The following RASGEF1A variants were observed in gnomAD, a reference collection of about 807,000 sequenced individuals.
The protein encoded by RASGEF1A is RasGEF domain family member 1A, also known as ras-GEF domain-containing family member 1A.
In RASGEF1A, 18 loss-of-function variants were observed where a neutral mutation model predicts 56.4. The ratio of observed to expected loss-of-function variants is 0.32; its 90% CI spans 0.22 to 0.47. The LOEUF is 0.47. Among genes scored for constraint, RASGEF1A ranks in the 20% least tolerant of loss-of-function variants. RASGEF1A has a pLI of 1.00. For synonymous variants in RASGEF1A, 245 were observed against 242.6 expected (o/e 1.01, Z -0.09); for missense variants, 422 against 627.1 (o/e 0.67, Z 3.49).
intron 1 of RASGEF1A, among the ~76,000 whole-genome samples, chr10:43,237,821 T>C (rs1245350875): frequency 3.9e-5 from 6 of 152,250 alleles, no homozygotes; most frequent in East Asian, 3.9e-4. Context: ...CCCCAGCACA[T>C]AGACCACAGA....
chr10:43,254,268 G>A (rs1444573036), intron 1 of RASGEF1A, among the ~76,000 whole-genome samples: 1 of 152,230 alleles, frequency 6.6e-6, no homozygotes, highest in African/African-American at 2.4e-5. Flanking sequence ...GTGGCACCAG[G>A]ACAGCTGTGG....
chr10:43,253,871 G>C (rs1010334169), intron 1 of RASGEF1A, among the ~76,000 whole-genome samples: 4 of 152,214 alleles, frequency 2.6e-5, no homozygotes, highest in Admixed American at 1.3e-4. Flanking sequence ...GGACTTTTTT[G>C]CAGCAGCAAT....
chr10:43,258,697 G>A (rs1836473049), intron 1 of RASGEF1A, among the ~76,000 whole-genome samples: 1 of 152,206 alleles, frequency 6.6e-6, no homozygotes, highest in Admixed American at 6.5e-5. Flanking sequence ...CAGCCCCTAG[G>A]AGCAGGACTG....
rs1434865137 is a variant in RASGEF1A, at chr10:43,198,851, C to A, written c.1032+82G>T. The A allele has an allele frequency of 3.1e-6, 4 of 1,298,522 alleles. No homozygotes were observed. The Admixed American group carries it at 6.7e-5, about 22-fold the overall frequency. The allele number at this position is 1,298,522 out of a possible 1,614,324, so 80.4% of individuals were successfully genotyped here. On this transcript the variant is annotated intron_variant, in intron 9 of 12. Transcript: ENST00000395810. Reference sequence around the variant, plus strand: ...CCAGGGAGAGGAGGGCAGCCCCCCACCCCCACTGTCAGGGCCCCCTTCGGG... The same window carrying A: ...CCAGGGAGAGGAGGGCAGCCCCCCAACCCCACTGTCAGGGCCCCCTTCGGG...
At chr10:43,204,033 G>A (rs1839956672) in intron 2 of RASGEF1A, among the ~76,000 whole-genome samples, 1 of 152,196 alleles carries the variant, frequency 6.6e-6, no homozygotes, top group African/African-American at 2.4e-5. Context: ...TGCCAGAGCA[G>A]GGCCCCTCCA....
chr10:43,243,728 C>A (rs3107332), intron 1 of RASGEF1A, among the ~76,000 whole-genome samples: 1 of 147,742 alleles, frequency 6.8e-6, no homozygotes, highest in Admixed American at 6.7e-5. Context: ...GGGAAGTGGG[C>A]GCCTCTGCCC....
At chr10:43,203,546 C>T in intron 2 of RASGEF1A, 126 bp from the exon 3 acceptor site, 2 of 1,392,576 alleles carry the variant, frequency 1.4e-6, no homozygotes, top group South Asian at 1.5e-5. Flanking sequence ...GCCATGCCTT[C>T]ACCTGCCCGG....
At chr10:43,209,949 G>A (rs527589128) in intron 1 of RASGEF1A, among the ~76,000 whole-genome samples, 27 of 152,322 alleles carry the variant, frequency 1.8e-4, no homozygotes, top group African/African-American at 5.1e-4. Context: ...GCACACTGGC[G>A]TTCTAGACCC....
intron 1 of RASGEF1A, among the ~76,000 whole-genome samples, chr10:43,220,476 C>T (rs915250225): frequency 1.5e-4 from 23 of 152,090 alleles, no homozygotes; most frequent in African/African-American, 5.6e-4. Context: ...GTGACAGAGC[C>T]TGGGCAACAG....
chr10:43,199,537 CCACCAAGG>C, intron 7 of RASGEF1A, 131 bp downstream of exon 7: 1 of 704,664 alleles, frequency 1.4e-6, no homozygotes, highest in East Asian at 2.7e-5. Flanking sequence ...GGTTGGGGGA[CCACCAAGG>C]CCCTGACAAT....
Position 43,198,021 on chromosome 10 carries a change from C to T in RASGEF1A, c.1207G>A (p.Gly403Arg), listed in dbSNP as rs1305592593. The T allele has an allele frequency of 4.3e-6, 7 of 1,612,306 alleles. 1 individual carries two copies. Among genetic ancestry groups the T allele is most frequent in the South Asian group, 3.3e-5 (3 of 91,006 alleles). ...GAGCTCACCTTAAAGTTAATGTGCCCGTTGGGCAGGTGGTTGGTATGGATT... is the reference window on the plus strand; with the variant it reads ...GAGCTCACCTTAAAGTTAATGTGCCTGTTGGGCAGGTGGTTGGTATGGATT... ...HKIHTNHLPN[G>R]HINFKKFWEI... The change falls in exon 10 of 13, where the codon GGG (glycine) becomes AGG (arginine). Residue 403 changes from glycine to arginine, a missense_variant. Gly to Arg is a moderately radical substitution (Grantham distance 125). This residue lies in a region of RASGEF1A where 149 missense variants were observed against 287.2 expected (regional missense o/e 0.52). Coordinates refer to ENST00000395810, the MANE Select transcript of RASGEF1A (RefSeq NM_145313.4).
At chr10:43,264,602 A>T (rs1836591220) in intron 1 of RASGEF1A, among the ~76,000 whole-genome samples, 2 of 150,442 alleles carry the variant, frequency 1.3e-5, no homozygotes, top group African/African-American at 4.9e-5. Context: ...ACAGAAAAGC[A>T]GCCAGAGTGC....
In RASGEF1A at chr10:43,196,295, T is replaced by G; in HGVS notation, c.1422-27A>C. The G allele has an allele frequency of 6.2e-7, 1 of 1,612,872 alleles. No individual in the cohort carries two copies. The highest frequency in any genetic ancestry group is 8.5e-7 in the Non-Finnish European group (1 of 1,179,286). On this transcript the variant is annotated intron_variant, in intron 12 of 12. Coordinates refer to ENST00000395810, the MANE Select transcript of RASGEF1A (RefSeq NM_145313.4). This position sits in a 1 kb window ranked among gnomAD's most constrained non-coding sequence, Gnocchi z 4.6. Reference sequence around the variant, plus strand: ...TAGAGGGGGACAGGACAAGCAGTGCTCAGGCCCGAGCAGGGCGGCTTGGGT... The same window carrying G: ...TAGAGGGGGACAGGACAAGCAGTGCGCAGGCCCGAGCAGGGCGGCTTGGGT...
Position 43,200,081 on chromosome 10 carries a change from C to T in RASGEF1A, c.756+101G>A, listed in dbSNP as rs183870080. 8.2e-5 allele frequency: 79 copies of T among 963,866 alleles called. 2 individuals carry two copies. Among genetic ancestry groups the T allele is most frequent in the East Asian group, 6.8e-4 (26 of 38,304 alleles). 59.7% of individuals were successfully genotyped at this position (963,866 alleles called of 1,614,324 possible). A position where few individuals can be genotyped will look rare whatever the true frequency, so the allele number is the denominator to read the frequency against. ...GGCTCATGGCCCAGCACTCCGGAGA[C>T]GCTCGGGGCGTGCTGAGTGAGGCCC... On this transcript the variant is annotated intron_variant, in intron 6 of 12. Coordinates refer to ENST00000395810, the MANE Select transcript of RASGEF1A (RefSeq NM_145313.4).
chr10:43,260,447 G>A lies in RASGEF1A; in HGVS notation c.-7+6398C>T, dbSNP rs140289820. ...CGGTGCACCACCGGATGCATCTGGC[G>A]TCCTGCCCAGGGCTGAGAACACTGT... is the stretch of plus-strand genomic sequence containing the variant. On this transcript the variant is annotated intron_variant, in intron 1 of 12. Transcript: ENST00000395810. Among the ~76,000 whole-genome samples, 1,101 of 152,320 alleles carry A rather than the reference G, an allele frequency of 7.2e-3. 7 individuals carry two copies. Among genetic ancestry groups the A allele is most frequent in the Non-Finnish European group, 0.012 (825 of 68,014 alleles).
intron 1 of RASGEF1A, among the ~76,000 whole-genome samples, chr10:43,228,119 C>T (rs548253385): frequency 1.1e-4 from 17 of 152,280 alleles, no homozygotes; most frequent in African/African-American, 3.6e-4. Flanking sequence ...CACGCCACCT[C>T]GCTGGCCTCA....
chr10:43,242,921 T>G (rs999916499), intron 1 of RASGEF1A, among the ~76,000 whole-genome samples: 1 of 152,172 alleles, frequency 6.6e-6, no homozygotes, highest in Non-Finnish European at 1.5e-5. Context: ...CCTCCCAAAG[T>G]GCTAAGATTA....
At chr10:43,238,739 G>A (rs1840467067) in intron 1 of RASGEF1A, among the ~76,000 whole-genome samples, 1 of 152,166 alleles carries the variant, frequency 6.6e-6, no homozygotes, top group Non-Finnish European at 1.5e-5. Context: ...GGCTGGTAGG[G>A]CATGTGGGCA....
chr10:43,236,188 C>T (rs1243967003), intron 1 of RASGEF1A, among the ~76,000 whole-genome samples: 1 of 152,116 alleles, frequency 6.6e-6, no homozygotes, highest in Non-Finnish European at 1.5e-5. Flanking sequence ...TGAGCTTAAG[C>T]GTCAGGGAAA....
Sources: allele counts gnomAD v4.1 joint callset (sites outside exome capture counted in the v4.1 genomes callset), GRCh38; gene constraint gnomAD v4.1.1; regional missense constraint gnomAD v4.1.1; non-coding constraint Gnocchi (gnomAD v3.1); transcripts MANE v1.5; gene names NCBI Gene and HGNC (gene_info 2026-07-23, HGNC 2026-07-21).